Variants in TMEM132B observed in about 807,000 individuals in gnomAD.
The protein encoded by TMEM132B is transmembrane protein 132B.
TMEM132B carries 18 observed loss-of-function variants against 90.8 expected under a neutral mutation model. The ratio of observed to expected loss-of-function variants is 0.20; its 90% CI spans 0.14 to 0.29. TMEM132B has a LOEUF of 0.29. TMEM132B is among the 10% of genes least tolerant of loss of function. The pLI is 1.00. For missense variants in TMEM132B, 1,096 were observed against 1,326.8 expected (o/e 0.83, Z 2.70); for synonymous variants, 504 against 523.3 (o/e 0.96, Z 0.50).
rs1450014401 is a variant in TMEM132B, at chr12:125,445,054, C to G, written c.1106+29377C>G. Reference sequence around the variant, plus strand: ...TCCAAGAAGTATATGAACTGCTCAACTCATCTCATCCTCAGAGTATGGGTC... The same window carrying G: ...TCCAAGAAGTATATGAACTGCTCAAGTCATCTCATCCTCAGAGTATGGGTC... On this transcript the variant is annotated intron_variant, in intron 3 of 8. Transcript: ENST00000682704. The surrounding 1 kb of genome is among the most constrained non-coding windows in gnomAD (Gnocchi z 4.3). 2.0e-5 allele frequency among the ~76,000 whole-genome samples: 3 copies of G among 152,172 alleles called. No individual in the cohort carries two copies. Among genetic ancestry groups the G allele is most frequent in the African/African-American group, 7.2e-5 (3 of 41,442 alleles).
intron 4 of TMEM132B, among the ~76,000 whole-genome samples, chr12:125,561,129 C>T (rs1884515587): frequency 1.3e-5 from 2 of 152,150 alleles, no homozygotes; most frequent in South Asian, 4.1e-4. Context: ...ACCCAAATGT[C>T]CATCAATGAT....
In TMEM132B at chr12:125,652,417, T is replaced by C. The variant is rs374889466; in HGVS notation, c.1915-24T>C. On this transcript the variant is annotated intron_variant, in intron 7 of 8. Transcript: ENST00000682704. ...GGTGCTCATGAGGAGCAGAGATGCA[T>C]GAGTCTCCTCGCTGACTTTTCAGGT... 4 of 1,558,782 alleles carry C rather than the reference T, an allele frequency of 2.6e-6. No homozygotes were observed. In the East Asian group the frequency reaches 6.9e-5, roughly 27 times the overall value.
rs769794470 is a variant in TMEM132B at position 125,246,960 on chromosome 12, G to C, written c.67+60094G>C. Among the ~76,000 whole-genome samples the C allele has an allele frequency of 1.3e-5, 2 of 152,090 alleles. No homozygotes were observed. The highest frequency in any genetic ancestry group is 2.9e-5 in the Non-Finnish European group (2 of 68,004). On this transcript the variant is annotated intron_variant, in intron 1 of 8. Transcript: ENST00000682704. This position sits in a 1 kb window ranked among gnomAD's most constrained non-coding sequence, Gnocchi z 4.2. ...GGCACAGTCAGGATTTTCCACTTAA[G>C]TTATTACTATTTAAGGCTTGGGATA... is the stretch of plus-strand genomic sequence containing the variant.
rs112415127 is a variant in TMEM132B at position 125,551,064 on chromosome 12, C to T, written c.1293+31439C>T. ...CTGACCTCAGGTGATCCGCCCGCCT[C>T]GGCCTCCCGAAGTGTTGGGACTACA... is the stretch of plus-strand genomic sequence containing the variant. On this transcript the variant is annotated intron_variant, in intron 4 of 8. Coordinates refer to ENST00000682704, the MANE Select transcript of TMEM132B (RefSeq NM_001366854.1). Among the ~76,000 whole-genome samples, 668 of 152,382 alleles carry T rather than the reference C, an allele frequency of 4.4e-3. 5 individuals carry two copies. Among genetic ancestry groups the T allele is most frequent in the African/African-American group, 0.014 (599 of 41,592 alleles).
At position 125,569,760 on chromosome 12, in the gene TMEM132B, C is replaced by G. The variant is rs959786229; in HGVS notation, c.1294-14091C>G. ...GAGCTCCTTAGGAAGCTTGACCAAC[C>G]CCCCCATCTCTCTGCTTGCCACTCT... On this transcript the variant is annotated intron_variant, in intron 4 of 8. Transcript: ENST00000682704. Among the ~76,000 whole-genome samples, 10 of 152,158 alleles carry G rather than the reference C, an allele frequency of 6.6e-5. No individual in the cohort carries two copies. The South Asian group carries it at 1.2e-3, about 19-fold the overall frequency.
rs1470071558 is a variant in TMEM132B at position 125,460,948 on chromosome 12, AT to A, written c.1106+45275del. ...CTCAGAAAGTTATTTTTGTCTTCAT[AT>A]TTTCCCACATGTCCTGTATTCATTA... On this transcript the variant is annotated intron_variant, in intron 3 of 8. Transcript: ENST00000682704. The surrounding 1 kb of genome is among the most constrained non-coding windows in gnomAD (Gnocchi z 4.4). 2.6e-5 allele frequency among the ~76,000 whole-genome samples: 4 copies of A among 152,112 alleles called. No homozygotes were observed. Among genetic ancestry groups the A allele is most frequent in the Non-Finnish European group, 5.9e-5 (4 of 68,024 alleles).
chr12:125,651,511 C>T (rs544301011), intron 7 of TMEM132B, among the ~76,000 whole-genome samples: 19 of 152,254 alleles, frequency 1.2e-4, no homozygotes, highest in African/African-American at 3.6e-4. Flanking sequence ...AAAATGTTTC[C>T]GCTCAGAGTT....
At chr12:125,373,310 G>A (rs536851565) in intron 2 of TMEM132B, among the ~76,000 whole-genome samples, 1 of 152,282 alleles carries the variant, frequency 6.6e-6, no homozygotes, top group South Asian at 2.1e-4. Context: ...CTGTGTTGAA[G>A]CCCTAACCTC....
At chr12:125,288,480 A>AT (rs1366238502) in intron 1 of TMEM132B, among the ~76,000 whole-genome samples, 3 of 113,188 alleles carry the variant, frequency 2.7e-5, no homozygotes, top group Non-Finnish European at 5.8e-5. Flanking sequence ...AAAAAAAAAA[A>AT]AGAGCTGCTA....
intron 3 of TMEM132B, among the ~76,000 whole-genome samples, chr12:125,509,642 T>C (rs1378155876): frequency 6.6e-6 from 1 of 152,156 alleles, no homozygotes; most frequent in Non-Finnish European, 1.5e-5. Flanking sequence ...TTTGGGAGTC[T>C]CGGGAGGTAG....
At chr12:125,420,524 T>G (rs2136374693) in intron 3 of TMEM132B, among the ~76,000 whole-genome samples, 1 of 150,146 alleles carries the variant, frequency 6.7e-6, no homozygotes, top group East Asian at 1.9e-4. Flanking sequence ...AGGGGGATCC[T>G]GGGCCAGGCC....
chr12:125,308,526 G>T (rs1010128167), intron 1 of TMEM132B, among the ~76,000 whole-genome samples: 15 of 152,118 alleles, frequency 9.9e-5, no homozygotes, highest in African/African-American at 3.6e-4. Flanking sequence ...GGCTCAAGGG[G>T]TTATGCATTT....
chr12:125,329,319 G>A (rs564916067), intron 1 of TMEM132B, among the ~76,000 whole-genome samples: 1 of 152,328 alleles, frequency 6.6e-6, no homozygotes, highest in South Asian at 2.1e-4. Context: ...AGCCTATGAT[G>A]GATTTGTTAC....
At chr12:125,596,241 C>T (rs1478439383) in intron 5 of TMEM132B, among the ~76,000 whole-genome samples, 1 of 152,140 alleles carries the variant, frequency 6.6e-6, no homozygotes, top group Admixed American at 6.5e-5. Flanking sequence ...CCTTTTGCAG[C>T]TGGTGGCAAT....
chr12:125,374,583 A>G (rs1185398691), intron 2 of TMEM132B, among the ~76,000 whole-genome samples: 1 of 152,178 alleles, frequency 6.6e-6, no homozygotes, highest in South Asian at 2.1e-4. Context: ...TGGGGGTTTC[A>G]GCCAAGTCTT....
Position 125,653,915 on chromosome 12 carries a change from C to T in TMEM132B, c.2457C>T (p.Leu819=). 1 of 1,614,184 alleles carries T rather than the reference C, an allele frequency of 6.2e-7. No homozygotes were observed. The highest frequency in any genetic ancestry group is 8.5e-7 in the Non-Finnish European group (1 of 1,180,042). ...EGINREYKDH[L]SNSIEREGNQ... ...TAAATCGGGAATATAAAGACCACCTCAGTAATTCCATAGAGCGCGAAGGAA... is the reference window on the plus strand; with the variant it reads ...TAAATCGGGAATATAAAGACCACCTTAGTAATTCCATAGAGCGCGAAGGAA... Residue 819 remains leucine, a synonymous_variant, in exon 9 of 9, where the codon CTC becomes CTT. Coordinates refer to ENST00000682704, the MANE Select transcript of TMEM132B (RefSeq NM_001366854.1).
intron 4 of TMEM132B, among the ~76,000 whole-genome samples, chr12:125,564,351 G>A (rs549290132): frequency 2.9e-4 from 29 of 101,666 alleles, no homozygotes; most frequent in Admixed American, 2.3e-3. Context: ...CTCTTGGTGC[G>A]TTCAGTGTGA....
At chr12:125,392,627 C>A (rs772726713) in intron 2 of TMEM132B, among the ~76,000 whole-genome samples, 54 of 152,258 alleles carry the variant, frequency 3.5e-4, no homozygotes, top group Middle Eastern at 3.4e-3. Flanking sequence ...TGGGGCACTG[C>A]ACCTGACCAA....
chr12:125,214,348 G>A (rs773945631), intron 1 of TMEM132B, among the ~76,000 whole-genome samples: 9 of 152,168 alleles, frequency 5.9e-5, no homozygotes, highest in Admixed American at 6.5e-5. Context: ...TTCTTCTAAA[G>A]CACGGCTGTT....
Sources: allele counts gnomAD v4.1 joint callset (sites outside exome capture counted in the v4.1 genomes callset), GRCh38; gene constraint gnomAD v4.1.1; non-coding constraint Gnocchi (gnomAD v3.1); transcripts MANE v1.5; gene names NCBI Gene and HGNC (gene_info 2026-07-23, HGNC 2026-07-21).